The following ADK variants were observed in gnomAD, a reference collection of about 807,000 sequenced individuals.
ADK encodes the protein N6,N6-dimethyladenosine kinase.
In ADK, 24 loss-of-function variants were observed where a neutral mutation model predicts 44.7. That is an observed-to-expected ratio of 0.54 (90% CI 0.39 to 0.76). The LOEUF is 0.76. Ranked by LOEUF, ADK falls within the 30% of genes least tolerant of loss-of-function variation. The probability of loss-of-function intolerance (pLI) is 0.00; values close to 1 mark genes in which losing one functional copy is unlikely to be tolerated. For synonymous variants in ADK, 128 were observed against 142.6 expected, an observed-to-expected ratio of 0.90 and a Z score of 0.73; for missense variants, 321 against 425.1, an observed-to-expected ratio of 0.76 and a Z score of 2.15.
chr10:74,569,236 T>C (rs1215080187), intron 7 of ADK, among the ~76,000 whole-genome samples: 2 of 152,190 alleles, frequency 1.3e-5, no homozygotes, highest in Admixed American at 1.3e-4. Context: ...GCAATAAACA[T>C]ACGTGTGCAT....
At chr10:74,682,079 T>G (rs1299926232) in intron 10 of ADK, among the ~76,000 whole-genome samples, 1 of 152,152 alleles carries the variant, frequency 6.6e-6, no homozygotes, top group Non-Finnish European at 1.5e-5. Flanking sequence ...AAATACTGAC[T>G]CAGTGTTGTA....
At chr10:74,675,464 A>G (rs552418009) in intron 10 of ADK, among the ~76,000 whole-genome samples, 12 of 152,288 alleles carry the variant, frequency 7.9e-5, no homozygotes, top group African/African-American at 2.9e-4. Flanking sequence ...ACTTTGTGAT[A>G]TTTGTTCTTT....
chr10:74,300,683 A>G (rs1840000626), intron 3 of ADK, among the ~76,000 whole-genome samples: 1 of 151,966 alleles, frequency 6.6e-6, no homozygotes. Context: ...CAGCCTTTAT[A>G]TGGTTTCTTA....
intron 6 of ADK, among the ~76,000 whole-genome samples, chr10:74,511,429 G>C (rs1362832556): frequency 1.3e-5 from 2 of 152,144 alleles, no homozygotes; most frequent in African/African-American, 4.8e-5. Context: ...GGATTGCACT[G>C]AATCTATAGA....
At chr10:74,684,808 CCA>C (rs941168845) in intron 10 of ADK, among the ~76,000 whole-genome samples, 136 of 152,258 alleles carry the variant, frequency 8.9e-4, no homozygotes, top group African/African-American at 2.9e-3. Context: ...GTAGAAAAAT[CCA>C]GTTTGCGTCT....
At chr10:74,287,602 T>C (rs922416903) in intron 3 of ADK, among the ~76,000 whole-genome samples, 1 of 152,176 alleles carries the variant, frequency 6.6e-6, no homozygotes, top group Non-Finnish European at 1.5e-5. Context: ...TATGTCCTAT[T>C]ACCTGAAGCA....
intron 7 of ADK, among the ~76,000 whole-genome samples, chr10:74,539,516 CCT>C (rs2133718580): frequency 6.6e-6 from 1 of 152,142 alleles, no homozygotes; most frequent in Non-Finnish European, 1.5e-5. Flanking sequence ...ACAGAAGTGC[CCT>C]GTTTCTTCCT....
At chr10:74,247,589 C>G (rs1845472105) in intron 3 of ADK, among the ~76,000 whole-genome samples, 1 of 152,056 alleles carries the variant, frequency 6.6e-6, no homozygotes, top group Non-Finnish European at 1.5e-5. Context: ...CAACCATCAG[C>G]TCCTTTAACA....
intron 4 of ADK, among the ~76,000 whole-genome samples, chr10:74,354,353 A>ATC (rs34213308): frequency 0.65 from 99,164 of 151,844 alleles, 33,526 homozygotes; most frequent in Middle Eastern, 0.81. Context: ...AAAAATTGGC[A>ATC]TCTGTTACCC....
chr10:74,481,401 A>C (rs1847067789), intron 6 of ADK, among the ~76,000 whole-genome samples: 1 of 151,438 alleles, frequency 6.6e-6, no homozygotes, highest in African/African-American at 2.4e-5. Flanking sequence ...TTCCTATTTC[A>C]TTTTGCTTGC....
intron 6 of ADK, among the ~76,000 whole-genome samples, chr10:74,496,599 T>G (rs1847696969): frequency 6.6e-6 from 1 of 152,184 alleles, no homozygotes; most frequent in African/African-American, 2.4e-5. Context: ...CACAGCAGTG[T>G]GAGAATGGAC....
chr10:74,372,270 T>C, intron 4 of ADK: 2 of 762,646 alleles, frequency 2.6e-6, no homozygotes, highest in South Asian at 2.7e-5. Flanking sequence ...GGTTGCAGAC[T>C]GGTCTGAAGG....
intron 7 of ADK, among the ~76,000 whole-genome samples, chr10:74,541,857 T>C (rs759826852): frequency 4.2e-5 from 6 of 141,720 alleles, no homozygotes; most frequent in Non-Finnish European, 9.1e-5. Flanking sequence ...TTTCATGCGT[T>C]ATACTAAGAT....
rs1847173529 is a variant in ADK, at chr10:74,484,006, C to T, written c.556-41250C>T. Among the ~76,000 whole-genome samples the T allele has an allele frequency of 2.0e-5, 3 of 152,322 alleles. No individual in the cohort carries two copies. The South Asian group carries it at 6.2e-4, about 32-fold the overall frequency. On this transcript the variant is annotated intron_variant, in intron 6 of 10. Coordinates refer to ENST00000539909, the MANE Select transcript of ADK (RefSeq NM_006721.4). ...TCAACCTCTGTGTGTTACACTGTTC[C>T]AACGTTGCTTCCACATTTTCAGTCA...
At chr10:74,485,548 T>G (rs1847237874) in intron 6 of ADK, among the ~76,000 whole-genome samples, 1 of 152,012 alleles carries the variant, frequency 6.6e-6, no homozygotes, top group African/African-American at 2.4e-5. Flanking sequence ...TAATCCACAA[T>G]GAGGTATCAT....
intron 3 of ADK, among the ~76,000 whole-genome samples, chr10:74,232,970 G>A (rs1396280466): frequency 6.6e-6 from 1 of 152,192 alleles, no homozygotes; most frequent in Non-Finnish European, 1.5e-5. Context: ...ATTCATGAAC[G>A]ATAGGTGAAT....
intron 2 of ADK, among the ~76,000 whole-genome samples, chr10:74,216,723 T>TG (rs1403116794): frequency 5.4e-5 from 1 of 18,598 alleles, no homozygotes; most frequent in Admixed American, 3.1e-4. Flanking sequence ...AAACTCTGTC[T>TG]CAAAAAAAAA....
intron 3 of ADK, among the ~76,000 whole-genome samples, chr10:74,311,382 A>C (rs1206423740): frequency 6.6e-6 from 1 of 152,216 alleles, no homozygotes; most frequent in Non-Finnish European, 1.5e-5. Flanking sequence ...AAGACTTCTA[A>C]TTTTGGGAAA....
rs190885310 is a variant in ADK, at chr10:74,648,854, T to C, written c.878-21329T>C. Among the ~76,000 whole-genome samples the C allele has an allele frequency of 1.2e-4, 18 of 152,212 alleles. No homozygotes were observed. In the East Asian group the frequency reaches 3.1e-3, roughly 26 times the overall value. On this transcript the variant is annotated intron_variant, in intron 9 of 10. Transcript: ENST00000539909. ...AAACTAGATTGTTATGAATTTAGGA[T>C]TTTAATTGTAATTGCCATAGTAACC...
Sources: gnomAD v4.1 joint callset for allele counts (sites outside exome capture counted in the v4.1 genomes callset) on GRCh38, gnomAD v4.1.1 for gene constraint, MANE v1.5 for transcripts, NCBI Gene and HGNC (gene_info 2026-07-23, HGNC 2026-07-21) for gene names.